The following ATP8A2 variants were observed in gnomAD, a reference collection of about 807,000 sequenced individuals.
The protein encoded by ATP8A2 is phospholipid-transporting ATPase IB.
A neutral mutation model predicts 165.6 loss-of-function variants in ATP8A2; 100 were observed. That is an observed-to-expected ratio of 0.60 (90% CI 0.51 to 0.71). The LOEUF (loss-of-function observed/expected upper bound fraction) is 0.71, where lower values mean the gene tolerates loss of function less well. Ranked by LOEUF, ATP8A2 falls within the 30% of genes least tolerant of loss-of-function variation. The pLI, the probability that ATP8A2 is intolerant of heterozygous loss-of-function variation, is 0.00. For missense variants in ATP8A2, 1,227 were observed against 1,479.5 expected (o/e 0.83, Z 2.80); for synonymous variants, 543 against 548.8 (o/e 0.99, Z 0.15).
chr13:25,713,129 T>G (rs903305502), intron 25 of ATP8A2, among the ~76,000 whole-genome samples: 1 of 152,224 alleles, frequency 6.6e-6, no homozygotes, highest in Non-Finnish European at 1.5e-5. Flanking sequence ...CCCAAAATGA[T>G]GTACGCTTCT....
intron 1 of ATP8A2, among the ~76,000 whole-genome samples, chr13:25,390,733 C>G (rs1360350093): frequency 6.6e-6 from 1 of 152,074 alleles, no homozygotes; most frequent in Non-Finnish European, 1.5e-5. Flanking sequence ...AGTTCGAGAC[C>G]AGCCAGGCCA....
At chr13:25,457,907 A>G (rs150311763) in intron 1 of ATP8A2, among the ~76,000 whole-genome samples, 16 of 152,330 alleles carry the variant, frequency 1.1e-4, no homozygotes, top group Non-Finnish European at 1.9e-4. Flanking sequence ...AAAGTGAATG[A>G]GCTGGCCTCT....
At chr13:25,930,471 C>T (rs908365760) in intron 33 of ATP8A2, among the ~76,000 whole-genome samples, 17 of 151,554 alleles carry the variant, frequency 1.1e-4, no homozygotes, top group Non-Finnish European at 2.1e-4. Flanking sequence ...AACTCTCTTG[C>T]CAATTTCTGC....
intron 24 of ATP8A2, among the ~76,000 whole-genome samples, chr13:25,599,742 G>A (rs1421859087): frequency 6.6e-6 from 1 of 152,200 alleles, no homozygotes; most frequent in Non-Finnish European, 1.5e-5. Context: ...TTCCAGGGAC[G>A]AGGCAGGATG....
At chr13:25,718,936 G>T (rs923714425) in intron 25 of ATP8A2, among the ~76,000 whole-genome samples, 5 of 152,152 alleles carry the variant, frequency 3.3e-5, no homozygotes, top group African/African-American at 7.2e-5. Flanking sequence ...CCCTGTTGAT[G>T]TGTAAGAACA....
chr13:25,990,350 C>T (rs1391523797), intron 35 of ATP8A2, among the ~76,000 whole-genome samples: 4 of 150,592 alleles, frequency 2.7e-5, no homozygotes, highest in Middle Eastern at 3.5e-3. Flanking sequence ...CAAACTATGT[C>T]GTGAAAAGTG....
chr13:25,939,141 C>G (rs1041872348), intron 33 of ATP8A2, among the ~76,000 whole-genome samples: 1 of 152,206 alleles, frequency 6.6e-6, no homozygotes, highest in African/African-American at 2.4e-5. Context: ...CCACGCCAGG[C>G]CTTCTCCTTT....
intron 2 of ATP8A2, among the ~76,000 whole-genome samples, chr13:25,477,471 T>C (rs1229866421): frequency 6.6e-6 from 1 of 152,140 alleles, no homozygotes; most frequent in Non-Finnish European, 1.5e-5. Context: ...GAAAAGACAT[T>C]GGTGGAAAAA....
At chr13:26,001,065 G>C (rs1004246958) in intron 35 of ATP8A2, among the ~76,000 whole-genome samples, 14 of 152,060 alleles carry the variant, frequency 9.2e-5, no homozygotes, top group African/African-American at 3.4e-4. Context: ...TACAGCCCCT[G>C]GCAAACACGA....
chr13:25,450,557 A>G (rs1029037690), intron 1 of ATP8A2, among the ~76,000 whole-genome samples: 1 of 151,968 alleles, frequency 6.6e-6, no homozygotes, highest in Admixed American at 6.6e-5. Flanking sequence ...TGTGAGACGG[A>G]GTCTCGCTCT....
intron 33 of ATP8A2, among the ~76,000 whole-genome samples, chr13:25,912,176 A>G (rs1954129163): frequency 6.8e-6 from 1 of 147,098 alleles, no homozygotes; most frequent in Non-Finnish European, 1.5e-5. Flanking sequence ...ACACACACAC[A>G]CACACACACA....
rs182989139 is a variant in ATP8A2 at position 25,956,765 on chromosome 13, A to G, written c.3184-4810A>G. 5.7e-3 allele frequency among the ~76,000 whole-genome samples: 871 copies of G among 152,342 alleles called. 4 individuals are homozygous for G. Among genetic ancestry groups the G allele is most frequent in the South Asian group, 0.02 (95 of 4,828 alleles). On this transcript the variant is annotated intron_variant, in intron 33 of 36. Transcript: ENST00000381655. ...GACTTTCTTCACAGAATTAGAAAAAAACTACTTTAAATTTCATATGGAATC... is the reference window on the plus strand; with the variant it reads ...GACTTTCTTCACAGAATTAGAAAAAGACTACTTTAAATTTCATATGGAATC...
At chr13:25,884,846 A>T (rs1005995867) in intron 33 of ATP8A2, among the ~76,000 whole-genome samples, 5 of 152,152 alleles carry the variant, frequency 3.3e-5, no homozygotes, top group Non-Finnish European at 7.4e-5. Flanking sequence ...GAGCCATCCC[A>T]GATCCCTGGG....
chr13:25,473,500 G>A (rs1300965859), intron 2 of ATP8A2, among the ~76,000 whole-genome samples: 1 of 152,116 alleles, frequency 6.6e-6, no homozygotes, highest in African/African-American at 2.4e-5. Context: ...TTCCTGGAGT[G>A]TACAATCATA....
chr13:25,857,570 CTTTTTTTTTT>C (rs71080207), intron 30 of ATP8A2, among the ~76,000 whole-genome samples: 1 of 91,582 alleles, frequency 1.1e-5, no homozygotes, highest in Non-Finnish European at 2.1e-5. Context: ...CTTTTTTTTC[CTTTTTTTTTT>C]TTTTTTTTTT....
At chr13:25,885,297 G>A (rs1352033573) in intron 33 of ATP8A2, among the ~76,000 whole-genome samples, 1 of 151,846 alleles carries the variant, frequency 6.6e-6, no homozygotes, top group East Asian at 2.0e-4. Flanking sequence ...ATCATTAGTA[G>A]AGATGGCGTT....
intron 25 of ATP8A2, among the ~76,000 whole-genome samples, 181 bp from the exon 26 acceptor site, chr13:25,768,865 C>A (rs753060281): frequency 6.6e-5 from 10 of 152,180 alleles, no homozygotes; most frequent in Non-Finnish European, 1.3e-4. Flanking sequence ...GAGAAGTTGG[C>A]AAATACTTGA....
Position 25,417,842 on chromosome 13 carries a change from G to C in ATP8A2, c.76+45554G>C, listed in dbSNP as rs188148078. 4.2e-4 allele frequency among the ~76,000 whole-genome samples: 64 copies of C among 152,330 alleles called. 1 individual carries two copies. The highest frequency in any genetic ancestry group is 3.9e-4 in the Admixed American group (6 of 15,300). On this transcript the variant is annotated intron_variant, in intron 1 of 36. Transcript: ENST00000381655. ...CTTATGCATAGCAAATCTCAAGTCAGTATTAAAATCTTTAAGCATAAACAG... is the reference window on the plus strand; with the variant it reads ...CTTATGCATAGCAAATCTCAAGTCACTATTAAAATCTTTAAGCATAAACAG...
chr13:25,653,835 A>G (rs2041869373), intron 24 of ATP8A2, among the ~76,000 whole-genome samples: 1 of 152,158 alleles, frequency 6.6e-6, no homozygotes, highest in African/African-American at 2.4e-5. Context: ...GGATAAGCAT[A>G]TGAGCTAAGG....
Sources: gnomAD v4.1 joint callset for allele counts (sites outside exome capture counted in the v4.1 genomes callset) on GRCh38, gnomAD v4.1.1 for gene constraint, MANE v1.5 for transcripts, NCBI Gene and HGNC (gene_info 2026-07-23, HGNC 2026-07-21) for gene names.